Variants in SDK1 observed in about 807,000 individuals in gnomAD.
The protein encoded by SDK1 is protein sidekick-1.
Under a neutral mutation model 245.5 loss-of-function variants are expected in SDK1, and 157 were observed. The observed-to-expected ratio is 0.64, with a 90% CI of 0.56 to 0.73. The LOEUF is 0.73. Among genes scored for constraint, SDK1 ranks in the 30% least tolerant of loss-of-function variants. SDK1 has a pLI of 0.00. For synonymous variants in SDK1, 1,647 were observed against 1,278.5 expected (o/e 1.29, Z -6.15); for missense variants, 3,583 against 3,002.3 (o/e 1.19, Z -4.52).
chr7:3,554,937 CG>C (rs1779539659), intron 1 of SDK1, among the ~76,000 whole-genome samples: 1 of 151,906 alleles, frequency 6.6e-6, no homozygotes, highest in African/African-American at 2.4e-5. Flanking sequence ...GAAGAGGACA[CG>C]CAAAAAAATG....
At chr7:3,806,878 G>T (rs2115042073) in intron 4 of SDK1, among the ~76,000 whole-genome samples, 1 of 152,098 alleles carries the variant, frequency 6.6e-6, no homozygotes, top group African/African-American at 2.4e-5. Flanking sequence ...GGGTTGTCTG[G>T]GAACTAAGAG....
chr7:4,225,668 G>A (rs997879507), intron 40 of SDK1, among the ~76,000 whole-genome samples: 6 of 152,146 alleles, frequency 3.9e-5, no homozygotes, highest in Non-Finnish European at 7.3e-5. Flanking sequence ...TTGGCGTGTC[G>A]GCGAGGGCTT....
rs541475781 is a variant in SDK1, at chr7:3,385,040, A to G, written c.298+83156A>G. Among the ~76,000 whole-genome samples the G allele has an allele frequency of 4.1e-3, 629 of 152,170 alleles. 6 individuals carry two copies. The highest frequency in any genetic ancestry group is 0.011 in the African/African-American group (448 of 41,532). On this transcript the variant is annotated intron_variant, in intron 1 of 44. Coordinates refer to ENST00000404826, the MANE Select transcript of SDK1 (RefSeq NM_152744.4). ...TGCTCTCTCTAGAGACACCTGAAAC[A>G]TCAAACACAAACAGTTTGTCAGTAC...
At chr7:3,836,799 G>A (rs1296143705) in intron 5 of SDK1, among the ~76,000 whole-genome samples, 2 of 152,120 alleles carry the variant, frequency 1.3e-5, no homozygotes, top group Non-Finnish European at 1.5e-5. Context: ...TCTTCCTTAG[G>A]AGACTGGGTG....
chr7:3,923,215 T>A (rs1779654506), intron 5 of SDK1, among the ~76,000 whole-genome samples: 1 of 152,250 alleles, frequency 6.6e-6, no homozygotes, highest in Non-Finnish European at 1.5e-5. Flanking sequence ...ATTTCTTAAA[T>A]GTTCTGTTTC....
At chr7:3,427,387 C>G (rs760136666) in intron 1 of SDK1, among the ~76,000 whole-genome samples, 9 of 151,826 alleles carry the variant, frequency 5.9e-5, no homozygotes, top group Admixed American at 1.3e-4. Context: ...GGTGTGGTGG[C>G]GGGCACCTGT....
intron 4 of SDK1, among the ~76,000 whole-genome samples, chr7:3,706,417 T>C (rs1172065516): frequency 6.6e-6 from 1 of 152,220 alleles, no homozygotes; most frequent in Non-Finnish European, 1.5e-5. Context: ...GGCATTTTTC[T>C]TTTTTATGGA....
intron 4 of SDK1, among the ~76,000 whole-genome samples, chr7:3,785,377 C>T (rs1041089788): frequency 1.3e-5 from 2 of 152,038 alleles, no homozygotes; most frequent in African/African-American, 2.4e-5. Context: ...AATATGTGAG[C>T]TGATGGATAT....
chr7:3,417,047 G>A (rs896473982), intron 1 of SDK1, among the ~76,000 whole-genome samples: 5 of 152,052 alleles, frequency 3.3e-5, no homozygotes, highest in Admixed American at 1.3e-4. Context: ...GATGGCATGC[G>A]ACTGTAATCC....
chr7:4,021,877 T>A (rs138371646), intron 17 of SDK1, among the ~76,000 whole-genome samples: 6 of 152,180 alleles, frequency 3.9e-5, no homozygotes, highest in African/African-American at 1.4e-4. Context: ...AATCTGACAA[T>A]GGGCTCCTGG....
At chr7:3,767,820 A>T (rs994626575) in intron 4 of SDK1, among the ~76,000 whole-genome samples, 11 of 152,230 alleles carry the variant, frequency 7.2e-5, no homozygotes, top group African/African-American at 2.4e-4. Context: ...ATTTGGAAGG[A>T]AACAAAAAAA....
chr7:3,809,119 C>T (rs891525283), intron 4 of SDK1, among the ~76,000 whole-genome samples: 5 of 152,194 alleles, frequency 3.3e-5, no homozygotes, highest in African/African-American at 9.6e-5. Context: ...GCATCTGCAC[C>T]TGGGGAGGCC....
At chr7:3,620,999 C>T (rs1781921272) in intron 2 of SDK1, among the ~76,000 whole-genome samples, 1 of 152,144 alleles carries the variant, frequency 6.6e-6, no homozygotes, top group Non-Finnish European at 1.5e-5. Context: ...CACACCTGAG[C>T]AATGGTGTTA....
At chr7:4,046,951 G>T (rs1562723550) in intron 17 of SDK1, among the ~76,000 whole-genome samples, 1 of 151,920 alleles carries the variant, frequency 6.6e-6, no homozygotes, top group Non-Finnish European at 1.5e-5. Context: ...TCTTTACTGT[G>T]TTTTCTTCCA....
chr7:3,548,444 G>A (rs1044974734), intron 1 of SDK1, among the ~76,000 whole-genome samples: 2 of 152,142 alleles, frequency 1.3e-5, no homozygotes, highest in East Asian at 3.8e-4. Flanking sequence ...TAGATAATGC[G>A]AGATTACGAG....
In SDK1 at chr7:3,379,641, G is replaced by A. The variant is rs1337333245; in HGVS notation, c.298+77757G>A. ...TGGGAGGAAGAAAAAGATGAACTTG[G>A]TTTTGATCCAAGTAACCTCAGAGAA... On this transcript the variant is annotated intron_variant, in intron 1 of 44. Coordinates refer to ENST00000404826, the MANE Select transcript of SDK1 (RefSeq NM_152744.4). Among the ~76,000 whole-genome samples the A allele has an allele frequency of 2.0e-5, 3 of 152,282 alleles. No homozygotes were observed. The South Asian group carries it at 6.2e-4, about 32-fold the overall frequency.
chr7:3,936,963 G>A (rs1032051021), intron 5 of SDK1, among the ~76,000 whole-genome samples: 5 of 152,154 alleles, frequency 3.3e-5, no homozygotes, highest in East Asian at 1.9e-4. Flanking sequence ...AGGTGTAGCC[G>A]AAGCTCAGGA....
intron 1 of SDK1, among the ~76,000 whole-genome samples, chr7:3,492,778 CAG>C (rs1383382435): frequency 6.6e-6 from 1 of 152,138 alleles, no homozygotes; most frequent in African/African-American, 2.4e-5. Flanking sequence ...TAATGGCAAA[CAG>C]AACGATGCAG....
At chr7:3,975,598 T>C (rs1262154004) in intron 13 of SDK1, among the ~76,000 whole-genome samples, 1 of 152,208 alleles carries the variant, frequency 6.6e-6, no homozygotes, top group African/African-American at 2.4e-5. Flanking sequence ...GCATGTGGCT[T>C]CTGTGTCTGC....
Sources: allele counts gnomAD v4.1 joint callset (sites outside exome capture counted in the v4.1 genomes callset), GRCh38; gene constraint gnomAD v4.1.1; transcripts MANE v1.5; gene names NCBI Gene and HGNC (gene_info 2026-07-23, HGNC 2026-07-21).